The following FARP2 variants were observed in gnomAD, a reference collection of about 807,000 sequenced individuals.
FARP2 encodes the protein FERM, ARHGEF and pleckstrin domain-containing protein 2.
In FARP2, 111 loss-of-function variants were observed where a neutral mutation model predicts 130.5. The observed-to-expected ratio is 0.85, with a 90% CI of 0.73 to 1.00. FARP2 has a LOEUF of 1.00. FARP2 is among the 50% of genes least tolerant of loss of function. The pLI is 0.00. For missense variants in FARP2, 1,385 were observed against 1,346.3 expected (o/e 1.03, Z -0.45); for synonymous variants, 504 against 516.9 (o/e 0.98, Z 0.34).
Position 241,411,052 on chromosome 2 carries a change from C to A in FARP2, c.430C>A (p.Leu144Ile), listed in dbSNP as rs367697981. ...EYTRYLFALQ[L>I]KRDLLEERLT... ...TTCTAGATACTTGTTTGCCTTGCAACTTAAGAGAGACCTGCTGGAAGAGCG... is the reference window on the plus strand; with the variant it reads ...TTCTAGATACTTGTTTGCCTTGCAAATTAAGAGAGACCTGCTGGAAGAGCG... The change falls in exon 6 of 27, where the codon CTT becomes ATT. Residue 144 changes from leucine to isoleucine, a missense_variant. Transcript: ENST00000264042. 1.1e-5 allele frequency: 17 copies of A among 1,610,620 alleles called. No homozygotes were observed. Among genetic ancestry groups the A allele is most frequent in the Non-Finnish European group, 1.4e-5 (17 of 1,178,086 alleles).
Position 241,441,550 on chromosome 2 carries a change from G to C in FARP2, c.1405G>C (p.Gly469Arg). The C allele has an allele frequency of 6.2e-7, 1 of 1,614,064 alleles. No individual in the cohort carries two copies. Among genetic ancestry groups the C allele is most frequent in the Non-Finnish European group, 8.5e-7 (1 of 1,180,054 alleles). The stretch of plus-strand genomic sequence containing the variant: ...CCTCGGGCCCCCCGCACTCCAGCCT[G>C]GTCCAGGTGTCGGGTTTTGTCATGT... Reference protein sequence around the residue: ...QPLGPPALQPGPGLSTKSPQP... With the variant: ...QPLGPPALQPRPGLSTKSPQP... Residue 469 changes from glycine to arginine, a missense_variant, in exon 13 of 27, where the codon GGT becomes CGT. Gly to Arg is a moderately radical substitution (Grantham distance 125). Coordinates refer to ENST00000264042, the MANE Select transcript of FARP2 (RefSeq NM_014808.4).
chr2:241,480,347 G>A (rs2064583582), intron 19 of FARP2, among the ~76,000 whole-genome samples: 1 of 152,178 alleles, frequency 6.6e-6, no homozygotes, highest in African/African-American at 2.4e-5. Context: ...TTAAATGTTT[G>A]GCTTAGACAA....
chr2:241,445,794 C>G (rs2063500176), intron 13 of FARP2: 1 of 152,256 alleles, frequency 6.6e-6, no homozygotes, highest in Admixed American at 6.5e-5. Flanking sequence ...TCAGTTACAT[C>G]CAGAACCTTA....
chr2:241,407,481 A>G, intron 4 of FARP2, 56 bp from the exon 5 acceptor site: 1 of 1,275,544 alleles, frequency 7.8e-7, no homozygotes, highest in Non-Finnish European at 1.1e-6. Flanking sequence ...ATATATGAAA[A>G]GAGAATAAAT....
intron 18 of FARP2, among the ~76,000 whole-genome samples, chr2:241,474,974 G>A (rs2124852519): frequency 6.6e-6 from 1 of 152,210 alleles, no homozygotes; most frequent in East Asian, 1.9e-4. Flanking sequence ...CCTCAGAGCT[G>A]GGCAGACCAC....
intron 2 of FARP2, among the ~76,000 whole-genome samples, chr2:241,384,119 T>C (rs1490843694): frequency 6.6e-6 from 1 of 151,208 alleles, no homozygotes. Flanking sequence ...AGCCTTTGGG[T>C]GACATTGCAG....
intron 14 of FARP2, among the ~76,000 whole-genome samples, chr2:241,462,146 A>G (rs1432794707): frequency 1.3e-5 from 2 of 152,212 alleles, no homozygotes; most frequent in Non-Finnish European, 2.9e-5. Flanking sequence ...TAGAATGCGC[A>G]CTGTTTGCTC....
At chr2:241,450,000 C>T (rs2063608588) in intron 13 of FARP2, among the ~76,000 whole-genome samples, 2 of 150,200 alleles carry the variant, frequency 1.3e-5, no homozygotes, top group Middle Eastern at 3.4e-3. Flanking sequence ...GTGCAAGACT[C>T]CATCTCAAAA....
At chr2:241,436,883 A>T (rs2063243691) in intron 12 of FARP2, among the ~76,000 whole-genome samples, 1 of 152,148 alleles carries the variant, frequency 6.6e-6, no homozygotes, top group Admixed American at 6.5e-5. Context: ...CTACTCAGGG[A>T]GCTGAGGTGG....
At chr2:241,431,594 G>A in intron 8 of FARP2, 85 bp from the exon 9 acceptor site, 1 of 724,768 alleles carries the variant, frequency 1.4e-6, no homozygotes, top group Admixed American at 2.2e-5. Flanking sequence ...GTGTTGGCAA[G>A]GATGTAATTT....
Position 241,468,124 on chromosome 2 carries a change from T to A in FARP2, c.1894-16T>A. 6.4e-7 allele frequency: 1 copy of A among 1,555,164 alleles called. No individual in the cohort carries two copies. Among genetic ancestry groups the A allele is most frequent in the South Asian group, 1.1e-5 (1 of 89,980 alleles). ...ACATCTCCTCACCTAAAGGCCCCACTCTTGCGCCTCCACAGGAGTTTACCA... is the reference window on the plus strand; with the variant it reads ...ACATCTCCTCACCTAAAGGCCCCACACTTGCGCCTCCACAGGAGTTTACCA... On this transcript the variant is annotated splice_polypyrimidine_tract_variant and intron_variant, in intron 17 of 26. Transcript: ENST00000264042.
At chr2:241,453,423 C>T (rs1309353448) in intron 13 of FARP2, among the ~76,000 whole-genome samples, 1 of 151,842 alleles carries the variant, frequency 6.6e-6, no homozygotes, top group Non-Finnish European at 1.5e-5. Flanking sequence ...GAGATCGAGA[C>T]CATCCTGGCT....
At chr2:241,435,275 T>G (rs886471168) in intron 11 of FARP2, among the ~76,000 whole-genome samples, 14 of 150,496 alleles carry the variant, frequency 9.3e-5, no homozygotes, top group African/African-American at 2.4e-4. Context: ...TTTTTGTTTT[T>G]TTTTTTTTTC....
At chr2:241,461,035 G>T (rs913305996) in intron 14 of FARP2, among the ~76,000 whole-genome samples, 3 of 152,180 alleles carry the variant, frequency 2.0e-5, no homozygotes, top group East Asian at 1.9e-4. Context: ...AGACAACCCT[G>T]CAGGCTCTGC....
chr2:241,423,072 A>G (rs1224723629), intron 8 of FARP2, among the ~76,000 whole-genome samples: 1 of 152,244 alleles, frequency 6.6e-6, no homozygotes, highest in East Asian at 1.9e-4. Flanking sequence ...TCCCCAACCT[A>G]ACGAGACAGG....
At chr2:241,428,289 C>T (rs1157498153) in intron 8 of FARP2, among the ~76,000 whole-genome samples, 2 of 140,142 alleles carry the variant, frequency 1.4e-5, no homozygotes, top group Non-Finnish European at 3.0e-5. Flanking sequence ...GGCTGGAGTA[C>T]AGTGGCGCAG....
At chr2:241,457,305 C>T (rs1281566440) in intron 14 of FARP2, among the ~76,000 whole-genome samples, 1 of 151,426 alleles carries the variant, frequency 6.6e-6, no homozygotes, top group Non-Finnish European at 1.5e-5. Context: ...CCTTTCTTCT[C>T]TCCCTGCTTG....
intron 13 of FARP2, among the ~76,000 whole-genome samples, chr2:241,454,843 T>C (rs540472880): frequency 2.0e-5 from 3 of 152,334 alleles, no homozygotes; most frequent in African/African-American, 7.2e-5. Flanking sequence ...TTGTGAAAAA[T>C]TCCAGAGGAA....
intron 19 of FARP2, chr2:241,478,418 G>A (rs373611696): frequency 2.9e-5 from 7 of 244,188 alleles, no homozygotes; most frequent in Non-Finnish European, 4.1e-5. Flanking sequence ...CCCAGCACCC[G>A]GTAGCTTGTC....
Sources: gnomAD v4.1 joint callset for allele counts (sites outside exome capture counted in the v4.1 genomes callset) on GRCh38, gnomAD v4.1.1 for gene constraint, MANE v1.5 for transcripts, NCBI Gene and HGNC (gene_info 2026-07-23, HGNC 2026-07-21) for gene names.